Variants in RGS3 observed in about 807,000 individuals in gnomAD.
The protein encoded by RGS3 is regulator of G-protein signalling 3.
Under a neutral mutation model 132.6 loss-of-function variants are expected in RGS3, and 80 were observed. That is an observed-to-expected ratio of 0.60 (90% CI 0.50 to 0.73). RGS3 has a LOEUF of 0.73. RGS3 is among the 30% of genes least tolerant of loss of function. The pLI is 0.00. For synonymous variants in RGS3, 598 were observed against 620.6 expected (o/e 0.96, Z 0.54); for missense variants, 1,382 against 1,530.8 (o/e 0.90, Z 1.62).
rs1833935019 is a variant in RGS3, at chr9:113,565,097, C to G, written c.2038-18353C>G. ...CGTTGTGAGGGATGGACGCCTCTCCCCCGGAGCAGCACTTTGGGGCCAGCT... is the reference window on the plus strand; with the variant it reads ...CGTTGTGAGGGATGGACGCCTCTCCGCCGGAGCAGCACTTTGGGGCCAGCT... On this transcript the variant is annotated intron_variant, in intron 19 of 24. Coordinates refer to ENST00000350696, the Ensembl canonical transcript of RGS3. This position sits in a 1 kb window ranked among gnomAD's most constrained non-coding sequence, Gnocchi z 5.7. The G allele has an allele frequency of 8.6e-7, 1 of 1,162,158 alleles. No individual in the cohort carries two copies. 72.0% of individuals were successfully genotyped at this position (1,162,158 alleles called of 1,614,324 possible).
chr9:113,550,862 A>G (rs899544227), intron 19 of RGS3, among the ~76,000 whole-genome samples: 3 of 152,176 alleles, frequency 2.0e-5, no homozygotes, highest in African/African-American at 7.2e-5. Context: ...TCTTTATATA[A>G]TAAGGATATT....
upstream of RGS3, among the ~76,000 whole-genome samples, chr9:113,455,474 T>C (rs1175721876): frequency 1.3e-5 from 2 of 152,210 alleles, no homozygotes; most frequent in African/African-American, 2.4e-5. Context: ...CCAGGCACTC[T>C]GCTTTTCTGG....
At chr9:113,543,238 C>T (rs1270706233) in intron 19 of RGS3, among the ~76,000 whole-genome samples, 2 of 152,236 alleles carry the variant, frequency 1.3e-5, no homozygotes, top group African/African-American at 2.4e-5. Flanking sequence ...TGTAAGACCT[C>T]GGCATCTTTA....
In RGS3 at chr9:113,507,745, G is replaced by C; in HGVS notation, c.1437+107G>C. ...TGATGAGCAGCCTGTGAGGGGCTGC[G>C]ATGTTGGGCAAGGAGATGGGGTATG... On this transcript the variant is annotated intron_variant, in intron 13 of 24. Transcript: ENST00000350696. This position sits in a 1 kb window ranked among gnomAD's most constrained non-coding sequence, Gnocchi z 5.0. 1 of 921,316 alleles carries C rather than the reference G, an allele frequency of 1.1e-6. No individual in the cohort carries two copies. The highest frequency in any genetic ancestry group is 2.7e-5 in the East Asian group (1 of 36,756). The allele number at this position is 921,316 out of a possible 1,614,324, so 57.1% of individuals were successfully genotyped here.
chr9:113,509,230 A>G (rs1430995491), intron 14 of RGS3, among the ~76,000 whole-genome samples: 2 of 151,740 alleles, frequency 1.3e-5, no homozygotes, highest in African/African-American at 4.8e-5. Context: ...GGTTGCAATG[A>G]GCCGAGATCA....
intron 4 of RGS3, among the ~76,000 whole-genome samples, chr9:113,482,600 G>T (rs1446377521): frequency 6.6e-6 from 1 of 152,206 alleles, no homozygotes; most frequent in Non-Finnish European, 1.5e-5. Flanking sequence ...AGGCAGTCTT[G>T]TGTGGTAGAG....
intron 14 of RGS3, among the ~76,000 whole-genome samples, chr9:113,511,971 G>A (rs1209517680): frequency 6.6e-6 from 1 of 152,070 alleles, no homozygotes; most frequent in Non-Finnish European, 1.5e-5. Context: ...TTACTTGGAG[G>A]CTTAGGATTT....
chr9:113,528,549 C>T (rs1030154694), intron 17 of RGS3, among the ~76,000 whole-genome samples: 12 of 152,230 alleles, frequency 7.9e-5, no homozygotes, highest in South Asian at 4.1e-4. Context: ...CACCTTCCCT[C>T]GGCGTTGACA....
chr9:113,551,150 C>A (rs1190510947), intron 19 of RGS3, among the ~76,000 whole-genome samples: 1 of 152,194 alleles, frequency 6.6e-6, no homozygotes, highest in South Asian at 2.1e-4. Flanking sequence ...CAACCCTAAG[C>A]GACCACTAGT....
At chr9:113,466,065 A>C (rs1031127068) in intron 3 of RGS3, among the ~76,000 whole-genome samples, 9 of 152,138 alleles carry the variant, frequency 5.9e-5, no homozygotes, top group Non-Finnish European at 1.3e-4. Context: ...GATTCCTAGA[A>C]TCTTCTTCTG....
chr9:113,566,818 C>T (rs1442572440), intron 19 of RGS3, among the ~76,000 whole-genome samples: 13 of 152,244 alleles, frequency 8.5e-5, no homozygotes, highest in South Asian at 2.1e-4. Flanking sequence ...GGGAAGGAGC[C>T]GCAGAGGCTG....
At chr9:113,578,663 T>G (rs776252794) in intron 19 of RGS3, among the ~76,000 whole-genome samples, 3 of 152,038 alleles carry the variant, frequency 2.0e-5, no homozygotes, top group Non-Finnish European at 4.4e-5. Context: ...AGCTAAGTGT[T>G]AGCTGAGCCA....
chr9:113,494,553 C>T (rs991351023), intron 7 of RGS3, among the ~76,000 whole-genome samples: 12 of 152,224 alleles, frequency 7.9e-5, no homozygotes, highest in Non-Finnish European at 1.8e-4. Context: ...AACACACAAT[C>T]ACAGTTCACT....
intron 3 of RGS3, among the ~76,000 whole-genome samples, chr9:113,477,859 G>A (rs1030410173): frequency 2.0e-5 from 3 of 152,222 alleles, no homozygotes; most frequent in Non-Finnish European, 4.4e-5. Context: ...ATGGAGCCAT[G>A]CCTGGGCTTT....
At position 113,507,956 on chromosome 9, in the gene RGS3, C is replaced by G. The variant is rs1177490077; in HGVS notation, c.1437+318C>G. Among the ~76,000 whole-genome samples, 1 of 152,126 alleles carries G rather than the reference C, an allele frequency of 6.6e-6. No homozygotes were observed. Among genetic ancestry groups the G allele is most frequent in the Non-Finnish European group, 1.5e-5 (1 of 68,028 alleles). On this transcript the variant is annotated intron_variant, in intron 13 of 24. Transcript: ENST00000350696. The surrounding 1 kb of genome is among the most constrained non-coding windows in gnomAD (Gnocchi z 5.0). ...GGGCTGCCTTGGTAGGTGGTGAGCC[C>G]CCATCATAGGAGGTATGAAAGCAGA...
rs1409669500 is a variant in RGS3 at position 113,505,490 on chromosome 9, G to A, written c.946G>A (p.Asp316Asn). 7 of 1,614,020 alleles carry A rather than the reference G, an allele frequency of 4.3e-6. No homozygotes were observed. The highest frequency in any genetic ancestry group is 4.5e-5 in the East Asian group (2 of 44,890). The change falls in exon 11 of 25, where the codon GAC (aspartate) becomes AAC (asparagine). Residue 316 changes from aspartate to asparagine, a missense_variant. Physicochemically the swap from Asp to Asn is conservative, Grantham distance 23. Coordinates refer to ENST00000350696, the Ensembl canonical transcript of RGS3. Reference sequence around the variant, plus strand: ...CGGCTTTGGCTTCACCATCTGCTGCGACTCTCCAGTTCGAGTCCAGGCCGT... The same window carrying A: ...CGGCTTTGGCTTCACCATCTGCTGCAACTCTCCAGTTCGAGTCCAGGCCGT...
rs923932605 is a variant in RGS3, at chr9:113,544,840, G to A, written c.2037+7922G>A. 2.4e-4 allele frequency among the ~76,000 whole-genome samples: 37 copies of A among 152,316 alleles called. 1 individual carries two copies. The highest frequency in any genetic ancestry group is 7.5e-4 in the African/African-American group (31 of 41,582). ...CTGATAAAAAGGTTTGTCTTTTAGGGATAGAAGTAAGAGAAATCAATAATC... is the reference window on the plus strand; with the variant it reads ...CTGATAAAAAGGTTTGTCTTTTAGGAATAGAAGTAAGAGAAATCAATAATC... On this transcript the variant is annotated intron_variant, in intron 19 of 24. Transcript: ENST00000350696.
Position 113,507,757 on chromosome 9 carries a change from G to C in RGS3, c.1437+119G>C. On this transcript the variant is annotated intron_variant, in intron 13 of 24. Coordinates refer to ENST00000350696, the Ensembl canonical transcript of RGS3. This position sits in a 1 kb window ranked among gnomAD's most constrained non-coding sequence, Gnocchi z 5.0. ...TGTGAGGGGCTGCGATGTTGGGCAA[G>C]GAGATGGGGTATGTGCTAGCTCTGC... The C allele has an allele frequency of 2.5e-6, 2 of 801,992 alleles. No individual in the cohort carries two copies. Among genetic ancestry groups the C allele is most frequent in the Non-Finnish European group, 3.8e-6 (2 of 530,586 alleles). The allele number at this position is 801,992 out of a possible 1,614,324, so 49.7% of individuals were successfully genotyped here.
At chr9:113,480,621 G>A (rs1024602852) in intron 4 of RGS3, among the ~76,000 whole-genome samples, 3 of 152,182 alleles carry the variant, frequency 2.0e-5, no homozygotes, top group South Asian at 2.1e-4. Flanking sequence ...ATGCCCACAC[G>A]GTATCCTGAA....
Sources: allele counts gnomAD v4.1 joint callset (sites outside exome capture counted in the v4.1 genomes callset), GRCh38; gene constraint gnomAD v4.1.1; non-coding constraint Gnocchi (gnomAD v3.1); transcripts MANE v1.5; gene names NCBI Gene and HGNC (gene_info 2026-07-23, HGNC 2026-07-21).